ACIN1: variants seen among roughly 807,000 people sequenced by gnomAD.
The protein encoded by ACIN1 is apoptotic chromatin condensation inducer in the nucleus.
A neutral mutation model predicts 146.6 loss-of-function variants in ACIN1; 16 were observed. The observed-to-expected ratio is 0.11, with a 90% CI of 0.07 to 0.17. The LOEUF (loss-of-function observed/expected upper bound fraction) is 0.17. ACIN1 is among the 10% of genes least tolerant of loss of function. ACIN1 has a pLI of 1.00. For synonymous variants in ACIN1, 569 were observed against 582.7 expected (o/e 0.98, Z 0.34); for missense variants, 1,357 against 1,609.3 (o/e 0.84, Z 2.68).
chr14:23,068,136 T>C lies in ACIN1; in HGVS notation c.2265+1340A>G, dbSNP rs1264263156. 1.0e-6 allele frequency: 1 copy of C among 985,556 alleles called. No individual in the cohort carries two copies. The highest frequency in any genetic ancestry group is 1.2e-6 in the Non-Finnish European group (1 of 829,942). 61.1% of individuals were successfully genotyped at this position (985,556 alleles called of 1,614,324 possible). A position where few individuals can be genotyped will look rare whatever the true frequency, so the allele number is the denominator to read the frequency against. On this transcript the variant is annotated intron_variant, in intron 9 of 18. Transcript: ENST00000605057. This position sits in a 1 kb window ranked among gnomAD's most constrained non-coding sequence, Gnocchi z 4.3. ...GGGCTGGGCTGTCATCAGCATTAAA[T>C]CCCCAGGGGCTCAGACCCTAGACTC...
intron 8 of ACIN1, among the ~76,000 whole-genome samples, chr14:23,076,263 T>C (rs983539455): frequency 1.3e-5 from 2 of 152,198 alleles, no homozygotes; most frequent in East Asian, 1.9e-4. Flanking sequence ...GATAGGCAGG[T>C]AGAAGGAAAG....
intron 18 of ACIN1, among the ~76,000 whole-genome samples, chr14:23,060,657 G>A (rs2047248619): frequency 6.6e-6 from 1 of 152,238 alleles, no homozygotes; most frequent in South Asian, 2.1e-4. Flanking sequence ...GATTACGGGC[G>A]CTTGCCACTG....
rs2047562420 is a variant in ACIN1, at chr14:23,069,531, T to C, written c.2210A>G (p.Gln737Arg). The C allele has an allele frequency of 6.2e-7, 1 of 1,613,576 alleles. No individual in the cohort carries two copies. Among genetic ancestry groups the C allele is most frequent in the East Asian group, 2.2e-5 (1 of 44,856 alleles). The change falls in exon 9 of 19, where the codon CAA becomes CGA. Residue 737 changes from glutamine (Q) to arginine (R), a missense_variant. Physicochemically the swap from Gln to Arg is conservative, Grantham distance 43. Around this residue, in one of 4 missense-constraint regions of ACIN1, gnomAD observed 771 missense variants for 746.6 expected, o/e 1.03. Transcript: ENST00000605057. Reference sequence around the variant, plus strand: ...CTCCGGGCGGTCATCATTGCTGACTTGGTCTGCAATAGGCATGGGAGGTTC... The same window carrying C: ...CTCCGGGCGGTCATCATTGCTGACTCGGTCTGCAATAGGCATGGGAGGTTC... ...VPEPPMPIAD[Q>R]VSNDDRPEGS...
chr14:23,078,035 C>A (rs2047843934), intron 8 of ACIN1, 116 bp downstream of exon 8: 1 of 887,698 alleles, frequency 1.1e-6, no homozygotes, highest in East Asian at 2.5e-5. Context: ...AGATAAAGCT[C>A]TGCCTTTATG....
chr14:23,065,008 T>G (rs2047407733), intron 10 of ACIN1, among the ~76,000 whole-genome samples: 1 of 152,184 alleles, frequency 6.6e-6, no homozygotes, highest in South Asian at 2.1e-4. Context: ...ATGAGCCGTT[T>G]AAACTTTTAA....
chr14:23,070,472 C>A (rs949756734), intron 8 of ACIN1, among the ~76,000 whole-genome samples: 2 of 152,124 alleles, frequency 1.3e-5, no homozygotes, highest in African/African-American at 4.8e-5. Flanking sequence ...CTCCCCCACA[C>A]AGGCAGCTTC....
At position 23,080,567 on chromosome 14, in the gene ACIN1, T is replaced by C. The variant is rs1937956045; in HGVS notation, c.768A>G (p.Val256=). The change falls in exon 6 of 19, where the codon GTA becomes GTG. Residue 256 remains valine, a synonymous_variant. Transcript: ENST00000605057. The part of the protein sequence containing the change: ...FKEEGEEIPR[V]KPEEMMDERP... ...TCTCATCCATCATCTCCTCTGGTTT[T>C]ACTCTAGGTATCTCTTCCCCTTCTT... is the stretch of plus-strand genomic sequence containing the variant. The C allele has an allele frequency of 6.2e-7, 1 of 1,614,048 alleles. No homozygotes were observed. The highest frequency in any genetic ancestry group is 2.2e-5 in the East Asian group (1 of 44,894).
chr14:23,090,148 A>T (rs1156430772), intron 3 of ACIN1, 47 bp from the exon 4 acceptor site: 1 of 1,595,216 alleles, frequency 6.3e-7, no homozygotes, highest in East Asian at 2.2e-5. Context: ...TGAAGGACTC[A>T]GCATGTAGGA....
Position 23,059,279 on chromosome 14 carries a change from T to C in ACIN1, c.3721A>G (p.Arg1241Gly). The C allele has an allele frequency of 6.2e-7, 1 of 1,605,930 alleles. No individual in the cohort carries two copies. The highest frequency in any genetic ancestry group is 8.5e-7 in the Non-Finnish European group (1 of 1,172,544). ...TCCCTATCCCGATCTCGGTCCCCCC[T>C]GTCCCGCTCCCTTTCTCTCTCTCTC... ...RERERERERD[R>G]GDRDRDRERD... The change falls in exon 19 of 19, where the codon AGG (arginine) becomes GGG (glycine). Residue 1241 changes from arginine (R) to glycine (G), a missense_variant. Coordinates refer to ENST00000605057, the MANE Select transcript of ACIN1 (RefSeq NM_001386863.1).
chr14:23,069,122 G>A (rs776689353), intron 9 of ACIN1: 122 of 1,007,728 alleles, frequency 1.2e-4, no homozygotes, highest in Non-Finnish European at 1.4e-4. Flanking sequence ...CTTTTAAAAA[G>A]GAGGGAAAGC....
rs1331263296 is a variant in ACIN1, at chr14:23,068,493, G to C, written c.2265+983C>G. On this transcript the variant is annotated intron_variant, in intron 9 of 18. Coordinates refer to ENST00000605057, the MANE Select transcript of ACIN1 (RefSeq NM_001386863.1). This position sits in a 1 kb window ranked among gnomAD's most constrained non-coding sequence, Gnocchi z 4.3. ...ATGTAAGCAAGACAGGGAGGCAAAA[G>C]GGGGCCCATCACAGGAGCCCATATA... 2.0e-6 allele frequency: 2 copies of C among 985,792 alleles called. No homozygotes were observed. Among genetic ancestry groups the C allele is most frequent in the Non-Finnish European group, 2.4e-6 (2 of 829,968 alleles). 61.1% of individuals were successfully genotyped at this position (985,792 alleles called of 1,614,324 possible).
chr14:23,091,946 C>T (rs2048241137), intron 2 of ACIN1, among the ~76,000 whole-genome samples: 1 of 152,168 alleles, frequency 6.6e-6, no homozygotes, highest in Admixed American at 6.6e-5. Context: ...AACATTTTAT[C>T]AAACAACTCC....
rs766680102 is a variant in ACIN1 at position 23,093,508 on chromosome 14, G to A, written c.175C>T (p.Pro59Ser). 6.2e-7 allele frequency: 1 copy of A among 1,614,056 alleles called. No individual in the cohort carries two copies. The change falls in exon 2 of 19, where the codon CCC becomes TCC. Residue 59 changes from proline (P) to serine (S), a missense_variant. By Grantham distance (74) the Pro-to-Ser change is moderately conservative (BLOSUM62 -1). This residue lies in a region of ACIN1 where 55 missense variants were observed against 123.9 expected (regional missense o/e 0.44). Transcript: ENST00000605057. The stretch of plus-strand genomic sequence containing the variant: ...GAATTTGGCTGGAATGCAGCATGGG[G>A]TGTTGAGTGTTTCTGTAAATTTTCT... ...MLENLQKHST[P>S]HAAFQPNSQI...
Position 23,090,152 on chromosome 14 carries a change from T to A in ACIN1, c.317-51A>T, listed in dbSNP as rs1036623206. The A allele has an allele frequency of 2.5e-6, 4 of 1,586,574 alleles. No individual in the cohort carries two copies. The Admixed American group carries it at 5.2e-5, about 21-fold the overall frequency. The stretch of plus-strand genomic sequence containing the variant: ...CAGGGAGGGAGTGAAGGACTCAGCA[T>A]GTAGGAATATGTAGAGGAGTGAAGG... On this transcript the variant is annotated intron_variant, in intron 3 of 18. Coordinates refer to ENST00000605057, the MANE Select transcript of ACIN1 (RefSeq NM_001386863.1).
At chr14:23,069,147 C>T (rs1287006790) in intron 9 of ACIN1, 1 of 1,035,356 alleles carries the variant, frequency 9.7e-7, no homozygotes, top group African/African-American at 1.7e-5. Flanking sequence ...GGAGTTACCA[C>T]CAGGAGAAGC....
At chr14:23,094,875 G>A in intron 1 of ACIN1, 100 bp downstream of exon 1, 3 of 1,461,600 alleles carry the variant, frequency 2.1e-6, no homozygotes, top group South Asian at 1.4e-5. Context: ...CGGCCTGAGC[G>A]AGCTCGCGCC....
At chr14:23,094,837 TGC>T in intron 1 of ACIN1, 136 bp downstream of exon 1, 1 of 1,279,338 alleles carries the variant, frequency 7.8e-7, no homozygotes, top group South Asian at 1.5e-5. Context: ...TCAACCACCG[TGC>T]GCGCGGATCC....
chr14:23,070,064 G>A (rs932362740), intron 8 of ACIN1, among the ~76,000 whole-genome samples: 7 of 152,042 alleles, frequency 4.6e-5, no homozygotes, highest in Non-Finnish European at 4.4e-5. Context: ...AGGGAAGCCC[G>A]ATTCCCTTAA....
chr14:23,081,846 GA>G lies in ACIN1; in HGVS notation c.437-11del. 6.3e-7 allele frequency: 1 copy of G among 1,599,470 alleles called. No individual in the cohort carries two copies. ...ATTGAGGAGCTTTTTCCTATTGAATGAAAAAGAATCAAGTCAGATTCATGAA... is the reference window on the plus strand; with the variant it reads ...ATTGAGGAGCTTTTTCCTATTGAATGAAAAGAATCAAGTCAGATTCATGAA... On this transcript the variant is annotated splice_polypyrimidine_tract_variant and intron_variant, in intron 4 of 18. Coordinates refer to ENST00000605057, the MANE Select transcript of ACIN1 (RefSeq NM_001386863.1).
Sources: allele counts gnomAD v4.1 joint callset (sites outside exome capture counted in the v4.1 genomes callset), GRCh38; gene constraint gnomAD v4.1.1; regional missense constraint gnomAD v4.1.1; non-coding constraint Gnocchi (gnomAD v3.1); transcripts MANE v1.5; gene names NCBI Gene and HGNC (gene_info 2026-07-23, HGNC 2026-07-21).